The following POLR2F variants were observed in gnomAD, a reference collection of about 807,000 sequenced individuals.
POLR2F encodes the protein DNA-directed RNA polymerases I, II, and III subunit RPABC2.
POLR2F carries 12 observed loss-of-function variants against 22.7 expected under a neutral mutation model. That is an observed-to-expected ratio of 0.53 (90% CI 0.34 to 0.86). The LOEUF (loss-of-function observed/expected upper bound fraction) is 0.86. Ranked by LOEUF, POLR2F falls within the 40% of genes least tolerant of loss-of-function variation. POLR2F has a pLI of 0.02. For missense variants in POLR2F, 126 were observed against 171.5 expected, an observed-to-expected ratio of 0.73 and a Z score of 1.48; for synonymous variants, 57 against 66.0, an observed-to-expected ratio of 0.86 and a Z score of 0.66.
chr22:37,969,773 T>C (rs915175843), downstream of POLR2F, among the ~76,000 whole-genome samples: 2 of 152,202 alleles, frequency 1.3e-5, no homozygotes, highest in Admixed American at 6.5e-5. Flanking sequence ...AAAGTGCTTA[T>C]ATAATAAAGA....
At chr22:38,025,447 C>A in intron 1 of POLR2F, 1 of 1,287,370 alleles carries the variant, frequency 7.8e-7, no homozygotes, top group Non-Finnish European at 1.0e-6. Flanking sequence ...CACACTGATT[C>A]ATATACACAC....
chr22:38,004,051 G>T (rs145365760), intron 1 of POLR2F, among the ~76,000 whole-genome samples: 2 of 152,092 alleles, frequency 1.3e-5, no homozygotes, highest in African/African-American at 4.8e-5. Flanking sequence ...GTGCAGTGGC[G>T]TGACATAGCT....
At chr22:37,996,881 C>T (rs747270338) in intron 1 of POLR2F, among the ~76,000 whole-genome samples, 27 of 152,162 alleles carry the variant, frequency 1.8e-4, no homozygotes, top group Non-Finnish European at 2.4e-4. Context: ...TTTAAATCTC[C>T]GCTGCGATTA....
upstream of POLR2F, chr22:37,986,008 C>G: frequency 1.3e-5 from 17 of 1,281,880 alleles, no homozygotes; most frequent in Non-Finnish European, 6.1e-6. This position sits in a 1 kb window ranked among gnomAD's most constrained non-coding sequence, Gnocchi z 4.7. Context: ...CCCGGCGCTG[C>G]CAACCCTCCT....
intron 3 of POLR2F, 41 bp from the exon 4 acceptor site, chr22:37,967,058 T>C: frequency 6.7e-7 from 1 of 1,481,574 alleles, no homozygotes; most frequent in Non-Finnish European, 9.2e-7. Flanking sequence ...CCCTTCTCCC[T>C]GGGTTTGTAG....
At chr22:38,012,908 C>T (rs974052481) in intron 1 of POLR2F, among the ~76,000 whole-genome samples, 6 of 152,118 alleles carry the variant, frequency 3.9e-5, no homozygotes, top group African/African-American at 1.4e-4. Context: ...TCAGCCAGAC[C>T]TCTGAGTTAA....
At chr22:38,040,952 A>T in intron 5 of POLR2F, 1 of 1,535,904 alleles carries the variant, frequency 6.5e-7, no homozygotes, top group Non-Finnish European at 9.0e-7. Context: ...GAGAGAGAAT[A>T]ATGATGACAA....
At chr22:37,987,107 T>A in intron 1 of POLR2F, 1 of 456,678 alleles carries the variant, frequency 2.2e-6, no homozygotes, top group Middle Eastern at 3.3e-4. Flanking sequence ...TCACCGTCCA[T>A]GGCAAGGTGT....
Position 37,998,640 on chromosome 22 carries a change from C to T in POLR2F, c.120+12328C>T, listed in dbSNP as rs143567310. ...CTACTGCTGGCCCTGTGGCCCTGGG[C>T]GTGGGATGTGCAGAGGACCGGCCAG... On this transcript the variant is annotated intron_variant, in intron 1 of 2. Coordinates refer to the POLR2F transcript ENST00000333418. Among the ~76,000 whole-genome samples, 10 of 152,248 alleles carry T rather than the reference C, an allele frequency of 6.6e-5. No individual in the cohort carries two copies. In the East Asian group the frequency reaches 1.5e-3, roughly 24 times the overall value.
chr22:37,953,998 G>T, intron 1 of POLR2F, 191 bp downstream of exon 1: 1 of 646,744 alleles, frequency 1.5e-6, no homozygotes, highest in Admixed American at 3.0e-5. Flanking sequence ...GGCACAGGAG[G>T]GCCCAGGCTC....
rs71195074 is a variant in POLR2F, at chr22:37,956,401, AT to A, written c.21-358del. 8.7e-3 allele frequency among the ~76,000 whole-genome samples: 1,240 copies of A among 142,724 alleles called. 13 individuals carry two copies. Among genetic ancestry groups the A allele is most frequent in the Middle Eastern group, 0.03 (8 of 268 alleles). 93.6% of individuals were successfully genotyped at this position (142,724 alleles called of 152,430 possible). On this transcript the variant is annotated intron_variant, in intron 1 of 4. Transcript: ENST00000442738. The stretch of plus-strand genomic sequence containing the variant: ...CAAAGCCACCATGCCCGGCCTCTGA[AT>A]TTTTTTTTTTTTTAATTTTTCTTAT...
chr22:38,008,685 A>C (rs1266472937), intron 1 of POLR2F, among the ~76,000 whole-genome samples: 3 of 152,008 alleles, frequency 2.0e-5, no homozygotes, highest in African/African-American at 7.2e-5. Flanking sequence ...CAGGCTGGCC[A>C]CATGGCGAGA....
At chr22:37,993,006 A>G (rs996065106) in intron 1 of POLR2F, among the ~76,000 whole-genome samples, 2 of 152,196 alleles carry the variant, frequency 1.3e-5, no homozygotes, top group African/African-American at 4.8e-5. Flanking sequence ...TTGTTCATTC[A>G]TACATGTCTA....
downstream of POLR2F, among the ~76,000 whole-genome samples, chr22:38,027,166 G>C (rs1210585139): frequency 2.6e-5 from 4 of 152,190 alleles, no homozygotes; most frequent in African/African-American, 7.2e-5. Flanking sequence ...GCGTATGGGG[G>C]ATACACGTGG....
chr22:37,999,354 C>T (rs2084747869), intron 1 of POLR2F, among the ~76,000 whole-genome samples: 1 of 152,122 alleles, frequency 6.6e-6, no homozygotes, highest in Non-Finnish European at 1.5e-5. Flanking sequence ...TGGAGCTTGT[C>T]GGCCATCACA....
downstream of POLR2F, chr22:37,973,150 C>G (rs1024528331): frequency 7.0e-6 from 2 of 284,186 alleles, no homozygotes; most frequent in Non-Finnish European, 6.6e-6. Flanking sequence ...TGCCACCAAC[C>G]CTGGTGCTTC....
In POLR2F at chr22:37,978,785, T is replaced by C. The variant is rs1447276664; in HGVS notation, c.293+11615T>C. On this transcript the variant is annotated intron_variant, in intron 4 of 4. Coordinates refer to the POLR2F transcript ENST00000405557. This position sits in a 1 kb window ranked among gnomAD's most constrained non-coding sequence, Gnocchi z 5.0. Reference sequence around the variant, plus strand: ...GAAGAGGTGCTTTTCTTTCTTTCTTTTTTTTTTCTGTGAGGGAATCTCACT... The same window carrying C: ...GAAGAGGTGCTTTTCTTTCTTTCTTCTTTTTTTCTGTGAGGGAATCTCACT... 6.6e-6 allele frequency among the ~76,000 whole-genome samples: 1 copy of C among 152,104 alleles called. No individual in the cohort carries two copies.
Position 37,959,485 on chromosome 22 carries a change from T to C in POLR2F, c.221+9T>C, listed in dbSNP as rs1453487383. 1.2e-6 allele frequency: 2 copies of C among 1,613,310 alleles called. No individual in the cohort carries two copies. Among genetic ancestry groups the C allele is most frequent in the South Asian group, 2.2e-5 (2 of 91,042 alleles). On this transcript the variant is annotated intron_variant, in intron 3 of 4. Coordinates refer to ENST00000442738, the MANE Select transcript of POLR2F (RefSeq NM_021974.5). Reference sequence around the variant, plus strand: ...CGAGCGCTCCAGATTGCGTGAGTGATTGCCCCTTCACTGTCTTCTCCATCT... The same window carrying C: ...CGAGCGCTCCAGATTGCGTGAGTGACTGCCCCTTCACTGTCTTCTCCATCT...
chr22:37,970,486 A>T (rs2145755559), downstream of POLR2F, among the ~76,000 whole-genome samples: 1 of 150,446 alleles, frequency 6.6e-6, no homozygotes, highest in Non-Finnish European at 1.5e-5. Context: ...GCACACCTGT[A>T]GTCCCAGCTA....
Sources: allele counts gnomAD v4.1 joint callset (sites outside exome capture counted in the v4.1 genomes callset), GRCh38; gene constraint gnomAD v4.1.1; non-coding constraint Gnocchi (gnomAD v3.1); transcripts MANE v1.5; gene names NCBI Gene and HGNC (gene_info 2026-07-23, HGNC 2026-07-21).